Variants in SRGAP2 observed in about 807,000 individuals in gnomAD.
SRGAP2 encodes the protein SLIT-ROBO Rho GTPase activating protein 2, also known as SLIT-ROBO Rho GTPase-activating protein 2.
Under a neutral mutation model 57.2 loss-of-function variants are expected in SRGAP2, and 15 were observed. That is an observed-to-expected ratio of 0.26 (90% CI 0.18 to 0.40). SRGAP2 has a LOEUF of 0.40. Ranked by LOEUF, SRGAP2 falls within the 10% of genes least tolerant of loss-of-function variation. The pLI is 1.00. For synonymous variants in SRGAP2, 249 were observed against 248.0 expected (o/e 1.00, Z -0.04); for missense variants, 520 against 669.6 (o/e 0.78, Z 2.47).
intron 2 of SRGAP2, among the ~76,000 whole-genome samples, chr1:206,221,414 G>A (rs1666983479): frequency 6.6e-6 from 1 of 151,992 alleles, no homozygotes; most frequent in South Asian, 2.1e-4. Context: ...GGTTCTGGAG[G>A]CTGGGAAGTC....
chr1:206,449,181 G>A (rs1572183167), intron 18 of SRGAP2, among the ~76,000 whole-genome samples: 2 of 152,064 alleles, frequency 1.3e-5, no homozygotes, highest in Non-Finnish European at 2.9e-5. Context: ...AGAACTTCCT[G>A]GTGCCCATCC....
rs368723990 is a variant in SRGAP2, at chr1:206,453,238, G to A, written c.2218G>A (p.Val740Met). ...CGAGGCCATTGCCAAGTTTGACTAC[G>A]TGGGCCGGACAGCCCGAGAGCTATC... is the stretch of plus-strand genomic sequence containing the variant. ...PIEAIAKFDY[V>M]GRTARELSFK... The change falls in exon 20 of 23, where the codon GTG (valine) becomes ATG (methionine). Residue 740 changes from valine to methionine, a missense_variant. Coordinates refer to ENST00000573034, the MANE Select transcript of SRGAP2 (RefSeq NM_015326.5). 40 of 637,388 alleles carry A rather than the reference G, an allele frequency of 6.3e-5. No individual in the cohort carries two copies. The highest frequency in any genetic ancestry group is 3.0e-4 in the East Asian group (10 of 33,368). 39.5% of individuals were successfully genotyped at this position (637,388 alleles called of 1,614,324 possible). A position where few individuals can be genotyped will look rare whatever the true frequency, so the allele number is the denominator to read the frequency against.
chr1:206,421,330 A>G, intron 13 of SRGAP2, 56 bp downstream of exon 13: 1 of 743,672 alleles, frequency 1.3e-6, no homozygotes, highest in Admixed American at 1.9e-5. Context: ...TCCATCCCAC[A>G]GGCATTTATT....
intron 10 of SRGAP2, among the ~76,000 whole-genome samples, chr1:206,410,429 A>T (rs1468165046): frequency 6.6e-6 from 1 of 152,228 alleles, no homozygotes; most frequent in Non-Finnish European, 1.5e-5. Flanking sequence ...CAAAGATTTG[A>T]AAAGGGTATA....
At chr1:206,389,049 C>T (rs1656623528) in intron 5 of SRGAP2, among the ~76,000 whole-genome samples, 1 of 152,114 alleles carries the variant, frequency 6.6e-6, no homozygotes, top group South Asian at 2.1e-4. Context: ...TACCCCTATC[C>T]TCAGCTGAAC....
At chr1:206,397,183 G>C (rs1236047992) in intron 7 of SRGAP2, among the ~76,000 whole-genome samples, 5 of 151,948 alleles carry the variant, frequency 3.3e-5, no homozygotes, top group Non-Finnish European at 7.4e-5. Flanking sequence ...ACAAAGATGG[G>C]ATTATCCTTT....
chr1:206,309,865 A>AAG (rs1672508009), intron 3 of SRGAP2, among the ~76,000 whole-genome samples: 1 of 151,184 alleles, frequency 6.6e-6, no homozygotes, highest in African/African-American at 2.5e-5. Context: ...CAAAGAACTA[A>AAG]ATCCAGGACC....
intron 4 of SRGAP2, among the ~76,000 whole-genome samples, chr1:206,373,018 T>C (rs1165883950): frequency 1.6e-5 from 2 of 121,512 alleles, no homozygotes; most frequent in Non-Finnish European, 3.4e-5. Context: ...TCTTTCTTTC[T>C]TTCTTTCTTT....
chr1:206,333,650 C>A (rs1674553194), intron 3 of SRGAP2, among the ~76,000 whole-genome samples: 1 of 152,094 alleles, frequency 6.6e-6, no homozygotes, highest in Admixed American at 6.5e-5. Context: ...CCTCAGCTTC[C>A]CGAGTAGCCA....
Position 206,450,302 on chromosome 1 carries a change from C to T in SRGAP2, c.2100-84C>T, listed in dbSNP as rs572915051. ...GAGCATAAGATGGATTCAGTGCCCT[C>T]GCGCCAGGGAGGCTGTATGAAGGGG... On this transcript the variant is annotated intron_variant, in intron 18 of 22. Transcript: ENST00000573034. The T allele has an allele frequency of 5.4e-5, 39 of 726,338 alleles. 1 individual carries two copies. The highest frequency in any genetic ancestry group is 2.3e-4 in the Middle Eastern group (1 of 4,336). The allele number at this position is 726,338 out of a possible 1,614,324, so 45.0% of individuals were successfully genotyped here.
chr1:206,428,950 A>G (rs1479078853), intron 13 of SRGAP2, among the ~76,000 whole-genome samples: 1 of 152,086 alleles, frequency 6.6e-6, no homozygotes, highest in Non-Finnish European at 1.5e-5. Context: ...ACCTGGCCTC[A>G]CTTTTTCATT....
rs1674054899 is a variant in SRGAP2 at position 206,327,737 on chromosome 1, A to G, written c.261-15109A>G. ...TTTGTTTAAGACATCAGGAGTACTA[A>G]TAAAGAACCAACTGGTAAACTGCTG... On this transcript the variant is annotated intron_variant, in intron 3 of 22. Transcript: ENST00000573034. Among the ~76,000 whole-genome samples the G allele has an allele frequency of 5.3e-5, 6 of 114,184 alleles. No individual in the cohort carries two copies. The East Asian group carries it at 1.5e-3, about 29-fold the overall frequency. 74.9% of individuals were successfully genotyped at this position (114,184 alleles called of 152,430 possible).
At chr1:206,455,194 T>C in intron 21 of SRGAP2, 170 bp downstream of exon 21, 1 of 674,482 alleles carries the variant, frequency 1.5e-6, no homozygotes, top group Non-Finnish European at 2.7e-6. Context: ...GGGCTGAGGA[T>C]GCTGCTACAA....
intron 3 of SRGAP2, among the ~76,000 whole-genome samples, chr1:206,309,483 TTGG>T (rs1465208744): frequency 7.8e-6 from 1 of 128,798 alleles, no homozygotes; most frequent in Non-Finnish European, 1.6e-5. Flanking sequence ...AAAAAAAAAG[TTGG>T]GGGAGTGGAA....
rs1663669729 is a variant in SRGAP2, at chr1:206,454,727, G to C, written c.2361-151G>C. 1.7e-6 allele frequency: 1 copy of C among 596,376 alleles called. No individual in the cohort carries two copies. Among genetic ancestry groups the C allele is most frequent in the Non-Finnish European group, 3.0e-6 (1 of 335,406 alleles). 36.9% of individuals were successfully genotyped at this position (596,376 alleles called of 1,614,324 possible). On this transcript the variant is annotated intron_variant, in intron 20 of 22. Transcript: ENST00000573034. The surrounding 1 kb of genome is among the most constrained non-coding windows in gnomAD (Gnocchi z 4.3). Reference sequence around the variant, plus strand: ...AAGGCCCTTAGGTTTCCTTGCCTCTGCTCACAGAACTAGTCCAGCCAGGTG... The same window carrying C: ...AAGGCCCTTAGGTTTCCTTGCCTCTCCTCACAGAACTAGTCCAGCCAGGTG...
chr1:206,243,083 AAG>A (rs1213977856), intron 2 of SRGAP2, among the ~76,000 whole-genome samples: 4 of 124,882 alleles, frequency 3.2e-5, no homozygotes, highest in Admixed American at 2.4e-4. Context: ...ATGTAATAAA[AAG>A]AGATCAATTT....
intron 4 of SRGAP2, among the ~76,000 whole-genome samples, chr1:206,355,219 C>G (rs1553339081): frequency 6.6e-6 from 1 of 152,188 alleles, no homozygotes; most frequent in African/African-American, 2.4e-5. Context: ...GTTGAAAAGG[C>G]CAAGCCAGAT....
At chr1:206,281,973 A>G (rs1242826108) in intron 2 of SRGAP2, among the ~76,000 whole-genome samples, 1 of 150,536 alleles carries the variant, frequency 6.6e-6, no homozygotes, top group Non-Finnish European at 1.5e-5. Context: ...TTGCTTTTAC[A>G]TTCTCATTGA....
intron 5 of SRGAP2, among the ~76,000 whole-genome samples, chr1:206,389,125 A>G (rs1656633556): frequency 6.7e-6 from 1 of 149,084 alleles, no homozygotes; most frequent in African/African-American, 2.5e-5. Flanking sequence ...TTCCACTACA[A>G]TGGGAGGGGG....
Sources: allele counts gnomAD v4.1 joint callset (sites outside exome capture counted in the v4.1 genomes callset), GRCh38; gene constraint gnomAD v4.1.1; non-coding constraint Gnocchi (gnomAD v3.1); transcripts MANE v1.5; gene names NCBI Gene and HGNC (gene_info 2026-07-23, HGNC 2026-07-21).